MSI1: variants seen among roughly 807,000 people sequenced by gnomAD.
The protein encoded by MSI1 is musashi RNA binding protein 1, also known as RNA-binding protein Musashi homolog 1.
In MSI1, 15 loss-of-function variants were observed where a neutral mutation model predicts 54.4. The ratio of observed to expected loss-of-function variants is 0.28; its 90% CI spans 0.18 to 0.42. The LOEUF (loss-of-function observed/expected upper bound fraction) is 0.42. Among genes scored for constraint, MSI1 ranks in the 20% least tolerant of loss-of-function variants. MSI1 has a pLI of 1.00. For synonymous variants in MSI1, 200 were observed against 196.5 expected, an observed-to-expected ratio of 1.02 and a Z score of -0.15; for missense variants, 304 against 506.0, an observed-to-expected ratio of 0.60 and a Z score of 3.83.
intron 14 of MSI1, among the ~76,000 whole-genome samples, chr12:120,344,020 C>G (rs2136885017): frequency 6.6e-6 from 1 of 152,144 alleles, no homozygotes; most frequent in Admixed American, 6.6e-5. Context: ...TCACGCCAGC[C>G]AAGTTTTGTA....
chr12:120,352,480 C>G (rs1331639992), intron 10 of MSI1, among the ~76,000 whole-genome samples: 1 of 151,960 alleles, frequency 6.6e-6, no homozygotes, highest in East Asian at 1.9e-4. Flanking sequence ...CTGCCACTTC[C>G]TAGTTGGCTC....
At chr12:120,352,262 C>T (rs1482136480) in intron 10 of MSI1, among the ~76,000 whole-genome samples, 1 of 152,118 alleles carries the variant, frequency 6.6e-6, no homozygotes, top group Non-Finnish European at 1.5e-5. Context: ...CCATCTCAGG[C>T]TCTTAAAGTG....
chr12:120,364,766 A>C lies in MSI1; in HGVS notation c.268-11T>G. On this transcript the variant is annotated splice_polypyrimidine_tract_variant and intron_variant, in intron 4 of 14. Transcript: ENST00000257552. ...CACCTTAGGGTCAATCTACAAGAAAAGGGAGAGGTAGAAGGGGTCTTGGTT... is the reference window on the plus strand; with the variant it reads ...CACCTTAGGGTCAATCTACAAGAAACGGGAGAGGTAGAAGGGGTCTTGGTT... 3 of 1,597,788 alleles carry C rather than the reference A, an allele frequency of 1.9e-6. No homozygotes were observed. The highest frequency in any genetic ancestry group is 1.7e-6 in the Non-Finnish European group (2 of 1,172,274).
In MSI1 at chr12:120,368,780, C is replaced by A; in HGVS notation, c.100+53G>T. ...GCTGGGGTGTCCGGGTCCGGGGCGC[C>A]GGGGGGTCCGGGGTGCCCTGCCGGA... On this transcript the variant is annotated intron_variant, in intron 2 of 14. Transcript: ENST00000257552. The surrounding 1 kb of genome is among the most constrained non-coding windows in gnomAD (Gnocchi z 6.6). 7.3e-7 allele frequency: 1 copy of A among 1,364,458 alleles called. No homozygotes were observed. The highest frequency in any genetic ancestry group is 1.6e-5 in the South Asian group (1 of 63,104). The allele number at this position is 1,364,458 out of a possible 1,614,324, so 84.5% of individuals were successfully genotyped here. A position where few individuals can be genotyped will look rare whatever the true frequency, so the allele number is the denominator to read the frequency against.
intron 13 of MSI1, 146 bp downstream of exon 13, chr12:120,345,989 C>A: frequency 1.3e-6 from 1 of 785,028 alleles, no homozygotes; most frequent in Non-Finnish European, 1.9e-6. Context: ...ATAACCCCCA[C>A]AACTCTTCCT....
intron 12 of MSI1, among the ~76,000 whole-genome samples, 153 bp from the exon 13 acceptor site, chr12:120,346,475 C>A (rs1333820207): frequency 6.6e-6 from 1 of 151,774 alleles, no homozygotes; most frequent in African/African-American, 2.4e-5. Context: ...TGCCCATCCA[C>A]CCAGTCACCC....
At chr12:120,359,535 A>G (rs1875452432) in intron 6 of MSI1, among the ~76,000 whole-genome samples, 2 of 152,148 alleles carry the variant, frequency 1.3e-5, no homozygotes, top group African/African-American at 4.8e-5. Flanking sequence ...CTTTTCCTCT[A>G]ATTGAGGTTT....
intron 6 of MSI1, 93 bp downstream of exon 6, chr12:120,362,950 G>C (rs1008031014): frequency 4.5e-5 from 49 of 1,096,660 alleles, no homozygotes; most frequent in Non-Finnish European, 6.6e-5. Flanking sequence ...TCTTTTGCAG[G>C]AATGGAATGA....
intron 6 of MSI1, among the ~76,000 whole-genome samples, chr12:120,360,469 G>A (rs1875540507): frequency 6.6e-6 from 1 of 152,158 alleles, no homozygotes; most frequent in East Asian, 1.9e-4. Flanking sequence ...TCTTCTCAAA[G>A]AGCTGCCTGT....
intron 6 of MSI1, 65 bp from the exon 7 acceptor site, chr12:120,359,118 A>G: frequency 6.5e-7 from 1 of 1,544,030 alleles, no homozygotes. Context: ...ACCAAGGAAC[A>G]GGGGCTCTGG....
intron 11 of MSI1, 52 bp from the exon 12 acceptor site, chr12:120,347,566 G>A: frequency 6.2e-7 from 1 of 1,605,458 alleles, no homozygotes; most frequent in Non-Finnish European, 8.5e-7. Context: ...GCAGAGATGG[G>A]TGAAGGAGGC....
At position 120,347,450 on chromosome 12, in the gene MSI1, C is replaced by A; in HGVS notation, c.855G>T (p.Gly285=). ...CTGCACCTCAGAAGAGCTCACCTGTCCCTCGAACCACAGCCGCTGCCGCCG... is the reference window on the plus strand; with the variant it reads ...CTGCACCTCAGAAGAGCTCACCTGTACCTCGAACCACAGCCGCTGCCGCCG... The part of the protein sequence containing the change: ...AAAAAAAVVR[G]TGSHPWTMAP... Residue 285 remains glycine, a synonymous_variant, in exon 12 of 15, where the codon GGG becomes GGT. Coordinates refer to ENST00000257552, the MANE Select transcript of MSI1 (RefSeq NM_002442.4). 1 of 1,614,090 alleles carries A rather than the reference C, an allele frequency of 6.2e-7. No individual in the cohort carries two copies. The highest frequency in any genetic ancestry group is 1.1e-5 in the South Asian group (1 of 91,086).
chr12:120,364,333 C>T (rs1875885390), intron 5 of MSI1, among the ~76,000 whole-genome samples: 1 of 152,248 alleles, frequency 6.6e-6, no homozygotes, highest in African/African-American at 2.4e-5. Context: ...TGTAGCGCGG[C>T]CTTAGGGTCT....
At chr12:120,355,030 C>CAAAAAA (rs71076610) in intron 9 of MSI1, among the ~76,000 whole-genome samples, 1 of 44,116 alleles carries the variant, frequency 2.3e-5, no homozygotes, top group Admixed American at 3.4e-4. Context: ...CCGTCTCTAC[C>CAAAAAA]AAAAAAAAAA....
downstream of MSI1, among the ~76,000 whole-genome samples, chr12:120,340,491 G>T (rs2136865971): frequency 6.6e-6 from 1 of 151,944 alleles, no homozygotes; most frequent in East Asian, 1.9e-4. Context: ...TGCTTCTTTA[G>T]GTCTTCATTT....
At position 120,368,654 on chromosome 12, in the gene MSI1, G is replaced by A. The variant is rs974606473; in HGVS notation, c.100+179C>T. ...CCTCATCTGCTCCCCTCCACCCGCT[G>A]GGCCGGGTGCGCTCGCGGATCGCCC... is the stretch of plus-strand genomic sequence containing the variant. On this transcript the variant is annotated intron_variant, in intron 2 of 14. Coordinates refer to ENST00000257552, the MANE Select transcript of MSI1 (RefSeq NM_002442.4). The surrounding 1 kb of genome is among the most constrained non-coding windows in gnomAD (Gnocchi z 6.6). Among the ~76,000 whole-genome samples the A allele has an allele frequency of 1.5e-4, 23 of 151,746 alleles. No homozygotes were observed. Among genetic ancestry groups the A allele is most frequent in the African/African-American group, 5.1e-4 (21 of 41,376 alleles).
intron 10 of MSI1, among the ~76,000 whole-genome samples, chr12:120,352,988 A>G (rs771827749): frequency 3.9e-5 from 6 of 152,144 alleles, no homozygotes; most frequent in African/African-American, 7.2e-5. Flanking sequence ...TACAAGCCCA[A>G]TGCCCTCTCT....
Position 120,356,965 on chromosome 12 carries a change from G to A in MSI1, c.589C>T (p.Arg197Trp), listed in dbSNP as rs750439002. 7.4e-6 allele frequency: 12 copies of A among 1,614,110 alleles called. No individual in the cohort carries two copies. The African/African-American group carries it at 1.2e-4, about 16-fold the overall frequency. ...KEVMSPTGSA[R>W]GRSRVMPYGM... ...TAGGGCATGACTCGAGACCTCCCCC[G>A]GGCTGAGCCCGTTGGCGACATCACC... Residue 197 changes from arginine (R) to tryptophan (W), a missense_variant, in exon 9 of 15, where the codon CGG becomes TGG. Arg to Trp is a moderately radical substitution (Grantham distance 101). This residue lies in a region of MSI1 where 22 missense variants were observed against 19.6 expected (regional missense o/e 1.12). Coordinates refer to ENST00000257552, the MANE Select transcript of MSI1 (RefSeq NM_002442.4).
At chr12:120,359,185 G>A (rs372846769) in intron 6 of MSI1, 132 bp from the exon 7 acceptor site, 4 of 1,059,850 alleles carry the variant, frequency 3.8e-6, no homozygotes, top group Non-Finnish European at 5.6e-6. Context: ...TCCCTGCACA[G>A]GGGACAACTT....
Sources: gnomAD v4.1 joint callset for allele counts (sites outside exome capture counted in the v4.1 genomes callset) on GRCh38, gnomAD v4.1.1 for gene constraint, gnomAD v4.1.1 regional missense constraint, Gnocchi (gnomAD v3.1) non-coding constraint, MANE v1.5 for transcripts, NCBI Gene and HGNC (gene_info 2026-07-23, HGNC 2026-07-21) for gene names.